The following DYNC1I1 variants were observed in gnomAD, a reference collection of about 807,000 sequenced individuals.
DYNC1I1 encodes dynein cytoplasmic 1 intermediate chain 1.
DYNC1I1 carries 43 observed loss-of-function variants against 86.6 expected under a neutral mutation model. The observed-to-expected ratio is 0.50, with a 90% CI of 0.39 to 0.64. DYNC1I1 has a LOEUF of 0.64. Ranked by LOEUF, DYNC1I1 falls within the 30% of genes least tolerant of loss-of-function variation. The probability of loss-of-function intolerance (pLI) is 0.00; values close to 1 mark genes in which losing one functional copy is unlikely to be tolerated. For synonymous variants in DYNC1I1, 262 were observed against 283.7 expected (o/e 0.92, Z 0.77); for missense variants, 604 against 788.8 (o/e 0.77, Z 2.81).
At chr7:95,781,783 G>C (rs889722733) in intron 1 of DYNC1I1, among the ~76,000 whole-genome samples, 8 of 152,174 alleles carry the variant, frequency 5.3e-5, no homozygotes, top group Non-Finnish European at 1.2e-4. Flanking sequence ...ATGACATTTA[G>C]TACTTTCTTA....
chr7:95,878,791 C>G (rs1256903560), intron 6 of DYNC1I1, among the ~76,000 whole-genome samples: 1 of 151,912 alleles, frequency 6.6e-6, no homozygotes, highest in Non-Finnish European at 1.5e-5. Context: ...AGTACAAATG[C>G]TGAAACCCAA....
At chr7:95,947,980 C>CT (rs35181190) in intron 6 of DYNC1I1, among the ~76,000 whole-genome samples, 36,538 of 106,790 alleles carry the variant, frequency 0.34, 6,948 homozygotes, top group Non-Finnish European at 0.4. Flanking sequence ...TTGTATGTGG[C>CT]TTTTTTTTTT....
intron 6 of DYNC1I1, among the ~76,000 whole-genome samples, chr7:95,909,780 C>T (rs1301159362): frequency 2.0e-5 from 3 of 152,100 alleles, no homozygotes; most frequent in Admixed American, 6.5e-5. Flanking sequence ...TTTGCCTCTT[C>T]GAGCTTGGCA....
At chr7:95,988,888 A>C (rs896734188) in intron 9 of DYNC1I1, among the ~76,000 whole-genome samples, 2 of 152,192 alleles carry the variant, frequency 1.3e-5, no homozygotes, top group Non-Finnish European at 2.9e-5. Context: ...TATTTGAAGA[A>C]GTTGAGGCTC....
At chr7:96,012,971 G>A (rs1239792360) in intron 10 of DYNC1I1, among the ~76,000 whole-genome samples, 1 of 152,092 alleles carries the variant, frequency 6.6e-6, no homozygotes, top group African/African-American at 2.4e-5. Flanking sequence ...GGTGACTTGG[G>A]GAAGGGTGGA....
intron 14 of DYNC1I1, among the ~76,000 whole-genome samples, chr7:96,069,343 A>G (rs1027322838): frequency 5.9e-5 from 9 of 152,204 alleles, no homozygotes; most frequent in African/African-American, 1.9e-4. Context: ...CCAGAATGAG[A>G]ATAGCAATCA....
intron 1 of DYNC1I1, among the ~76,000 whole-genome samples, chr7:95,786,775 C>T (rs1041890138): frequency 1.3e-5 from 2 of 152,150 alleles, no homozygotes; most frequent in African/African-American, 4.8e-5. Flanking sequence ...CCTCCTTCCC[C>T]TTGGCCCCAC....
At chr7:96,075,442 G>C (rs1426171061) in intron 14 of DYNC1I1, among the ~76,000 whole-genome samples, 4 of 152,208 alleles carry the variant, frequency 2.6e-5, no homozygotes, top group African/African-American at 9.6e-5. Context: ...CCTATGCAGA[G>C]AGACTAAAGG....
chr7:96,046,734 A>G (rs1562984384), intron 14 of DYNC1I1, among the ~76,000 whole-genome samples: 1 of 152,234 alleles, frequency 6.6e-6, no homozygotes, highest in African/African-American at 2.4e-5. Flanking sequence ...AACCAGATGC[A>G]GTGACCAGCA....
chr7:95,830,337 C>T (rs551546922), intron 5 of DYNC1I1, among the ~76,000 whole-genome samples: 2 of 151,940 alleles, frequency 1.3e-5, no homozygotes, highest in African/African-American at 2.4e-5. Flanking sequence ...CCAGAGTTTC[C>T]TCATGCCCCT....
chr7:96,037,782 A>C (rs1189579691), intron 13 of DYNC1I1, among the ~76,000 whole-genome samples: 2 of 152,198 alleles, frequency 1.3e-5, no homozygotes, highest in Non-Finnish European at 2.9e-5. Context: ...ATCTTTTTAC[A>C]ACAAGCTGAA....
downstream of DYNC1I1, among the ~76,000 whole-genome samples, chr7:96,102,711 G>C (rs1323496612): frequency 6.6e-6 from 1 of 152,180 alleles, no homozygotes; most frequent in Non-Finnish European, 1.5e-5. Context: ...ATCAGCAGAT[G>C]CTATGATATT....
intron 5 of DYNC1I1, among the ~76,000 whole-genome samples, chr7:95,866,003 G>A (rs938679875): frequency 6.6e-6 from 1 of 152,174 alleles, no homozygotes; most frequent in Non-Finnish European, 1.5e-5. Flanking sequence ...TGGGATGGCA[G>A]GAAAGGTAGC....
intron 14 of DYNC1I1, among the ~76,000 whole-genome samples, chr7:96,073,932 G>A (rs1464213715): frequency 6.6e-6 from 1 of 152,164 alleles, no homozygotes; most frequent in African/African-American, 2.4e-5. Flanking sequence ...AGGTTTTATC[G>A]AGAAAGTAGT....
At chr7:95,831,978 A>G (rs906463721) in intron 5 of DYNC1I1, among the ~76,000 whole-genome samples, 1 of 150,534 alleles carries the variant, frequency 6.6e-6, no homozygotes, top group African/African-American at 2.5e-5. Flanking sequence ...CTTTTTTTTT[A>G]TTATTATACT....
chr7:95,958,424 C>T (rs946930788), intron 6 of DYNC1I1, among the ~76,000 whole-genome samples: 49 of 152,202 alleles, frequency 3.2e-4, no homozygotes, highest in African/African-American at 1.2e-3. Context: ...GACTCTGTCT[C>T]TACAAATGTT....
intron 6 of DYNC1I1, among the ~76,000 whole-genome samples, chr7:95,934,269 G>T (rs888090929): frequency 6.6e-6 from 1 of 152,096 alleles, no homozygotes; most frequent in East Asian, 1.9e-4. Flanking sequence ...TTCCTCTAGG[G>T]TATACCGGTA....
intron 6 of DYNC1I1, among the ~76,000 whole-genome samples, chr7:95,871,680 T>C (rs1287005686): frequency 3.3e-5 from 5 of 152,178 alleles, no homozygotes; most frequent in African/African-American, 1.2e-4. Flanking sequence ...AAATTAAGGA[T>C]GAAAAGGCAT....
chr7:95,780,844 A>G lies in DYNC1I1; in HGVS notation c.-10+8071A>G, dbSNP rs141527730. The stretch of plus-strand genomic sequence containing the variant: ...GAATGTCAGTTGGTGGGTTTGGATG[A>G]TGGAAAAGGAAGCAGGCCCTGTGGG... On this transcript the variant is annotated intron_variant, in intron 1 of 16. Coordinates refer to ENST00000447467, the MANE Select transcript of DYNC1I1 (RefSeq NM_001135556.2). 7.9e-5 allele frequency among the ~76,000 whole-genome samples: 12 copies of G among 152,204 alleles called. No homozygotes were observed. In the East Asian group the frequency reaches 2.3e-3, roughly 29 times the overall value.
Sources: allele counts gnomAD v4.1 joint callset (sites outside exome capture counted in the v4.1 genomes callset), GRCh38; gene constraint gnomAD v4.1.1; transcripts MANE v1.5; gene names NCBI Gene and HGNC (gene_info 2026-07-23, HGNC 2026-07-21).